The following AGPAT4 variants were observed in gnomAD, a reference collection of about 807,000 sequenced individuals.
AGPAT4 encodes the protein 1-acyl-sn-glycerol-3-phosphate acyltransferase delta.
A neutral mutation model predicts 48.0 loss-of-function variants in AGPAT4; 15 were observed. The observed-to-expected ratio is 0.31, with a 90% CI of 0.21 to 0.48. The LOEUF (loss-of-function observed/expected upper bound fraction) is 0.48. Ranked by LOEUF, AGPAT4 falls within the 20% of genes least tolerant of loss-of-function variation. AGPAT4 has a pLI of 0.99. For synonymous variants in AGPAT4, 178 were observed against 198.7 expected (o/e 0.90, Z 0.88); for missense variants, 314 against 482.5 (o/e 0.65, Z 3.27).
In AGPAT4 at chr6:161,234,538, C is replaced by A. The variant is rs1009860010; in HGVS notation, c.-89-2236G>T. 2.0e-5 allele frequency among the ~76,000 whole-genome samples: 3 copies of A among 152,170 alleles called. No homozygotes were observed. Among genetic ancestry groups the A allele is most frequent in the Admixed American group, 2.0e-4 (3 of 15,272 alleles). On this transcript the variant is annotated intron_variant, in intron 1 of 8. Transcript: ENST00000320285. The surrounding 1 kb of genome is among the most constrained non-coding windows in gnomAD (Gnocchi z 4.4). ...GAATAGGCGTTAAGCTGGCAGCCCC[C>A]GCTCAGTGCACTTGACTTTGGGAGC...
rs376069790 is a variant in AGPAT4 at position 161,201,003 on chromosome 6, C to T, written c.178+31033G>A. Among the ~76,000 whole-genome samples the T allele has an allele frequency of 6.6e-6, 1 of 152,210 alleles. No individual in the cohort carries two copies. The highest frequency in any genetic ancestry group is 2.4e-5 in the African/African-American group (1 of 41,456). On this transcript the variant is annotated intron_variant, in intron 2 of 8. Transcript: ENST00000320285. This position sits in a 1 kb window ranked among gnomAD's most constrained non-coding sequence, Gnocchi z 6.0. ...CTTTCCATCAGAGCAACAGGCAGAA[C>T]GACAGCTTCCTGCAAATGCATCATC...
chr6:161,268,361 C>A (rs940666144), intron 1 of AGPAT4, among the ~76,000 whole-genome samples: 1 of 152,130 alleles, frequency 6.6e-6, no homozygotes, highest in African/African-American at 2.4e-5. Flanking sequence ...AAAAACAAAA[C>A]GGGATACATG....
chr6:161,157,293 G>A (rs1779792116), intron 3 of AGPAT4, among the ~76,000 whole-genome samples: 1 of 152,248 alleles, frequency 6.6e-6, no homozygotes, highest in African/African-American at 2.4e-5. Flanking sequence ...GGGAATATAA[G>A]TGAGGCTCTG....
In AGPAT4 at chr6:161,229,927, G is replaced by A. The variant is rs1260923646; in HGVS notation, c.178+2109C>T. On this transcript the variant is annotated intron_variant, in intron 2 of 8. Coordinates refer to ENST00000320285, the MANE Select transcript of AGPAT4 (RefSeq NM_020133.3). The surrounding 1 kb of genome is among the most constrained non-coding windows in gnomAD (Gnocchi z 6.0). ...CATCACTGGGTATACCTGGATGGAG[G>A]TGCTTCTAGGTCCTTCAGTGACATT... Among the ~76,000 whole-genome samples, 2 of 152,138 alleles carry A rather than the reference G, an allele frequency of 1.3e-5. No homozygotes were observed. Among genetic ancestry groups the A allele is most frequent in the African/African-American group, 4.8e-5 (2 of 41,432 alleles).
chr6:161,136,670 C>CG, intron 8 of AGPAT4, 36 bp from the exon 9 acceptor site: 1 of 1,590,640 alleles, frequency 6.3e-7, no homozygotes, highest in Non-Finnish European at 8.6e-7. Flanking sequence ...AGGAGTAGCC[C>CG]AAACAGACTA....
At position 161,228,051 on chromosome 6, in the gene AGPAT4, C is replaced by A. The variant is rs112525188; in HGVS notation, c.178+3985G>T. ...GAACCAATGGGAAGAAAGATCAAGA[C>A]ACCCTCGCCACCACCGGTCCCCCTG... On this transcript the variant is annotated intron_variant, in intron 2 of 8. Coordinates refer to ENST00000320285, the MANE Select transcript of AGPAT4 (RefSeq NM_020133.3). 2.5e-3 allele frequency among the ~76,000 whole-genome samples: 384 copies of A among 152,246 alleles called. 2 individuals are homozygous for A. Among genetic ancestry groups the A allele is most frequent in the Non-Finnish European group, 3.6e-3 (245 of 68,014 alleles).
chr6:161,170,332 C>T (rs557076877), intron 2 of AGPAT4, among the ~76,000 whole-genome samples: 168 of 152,220 alleles, frequency 1.1e-3, no homozygotes, highest in African/African-American at 3.8e-3. Context: ...CTTATTGAAC[C>T]CTGACCGAGA....
Position 161,236,851 on chromosome 6 carries a change from G to A in AGPAT4, c.-89-4549C>T, listed in dbSNP as rs1336159214. 1.3e-5 allele frequency among the ~76,000 whole-genome samples: 2 copies of A among 152,084 alleles called. No individual in the cohort carries two copies. Among genetic ancestry groups the A allele is most frequent in the Admixed American group, 6.5e-5 (1 of 15,276 alleles). The stretch of plus-strand genomic sequence containing the variant: ...TGGGAGGCAGAGGTTGCAGTGAGCC[G>A]AGATTGTGCCACTGCACTCCAGCCT... On this transcript the variant is annotated intron_variant, in intron 1 of 8. Coordinates refer to ENST00000320285, the MANE Select transcript of AGPAT4 (RefSeq NM_020133.3). The surrounding 1 kb of genome is among the most constrained non-coding windows in gnomAD (Gnocchi z 5.0).
intron 1 of AGPAT4, among the ~76,000 whole-genome samples, chr6:161,258,702 T>C (rs1383957781): frequency 6.6e-6 from 1 of 151,158 alleles, no homozygotes; most frequent in Non-Finnish European, 1.5e-5. Flanking sequence ...CCACAGAGAG[T>C]CATTACTCAA....
Position 161,244,403 on chromosome 6 carries a change from A to AAAAATACGACAAAATACG in AGPAT4, c.-89-12102_-89-12101insCGTATTTTGTCGTATTTT, listed in dbSNP as rs1554239727. ...ATTTCAAAATACGACAAAAACAAAT[A>AAAAATACGACAAAATACG]ATAAAAAGCCTTTAAAGTTAAGGTT... On this transcript the variant is annotated intron_variant, in intron 1 of 8. Transcript: ENST00000320285. This position sits in a 1 kb window ranked among gnomAD's most constrained non-coding sequence, Gnocchi z 4.7. Among the ~76,000 whole-genome samples, 4 of 152,340 alleles carry AAAAATACGACAAAATACG rather than the reference A, an allele frequency of 2.6e-5. No homozygotes were observed. In the East Asian group the frequency reaches 7.7e-4, roughly 29 times the overall value.
intron 2 of AGPAT4, among the ~76,000 whole-genome samples, chr6:161,172,794 TC>T (rs1453113234): frequency 6.6e-6 from 1 of 151,482 alleles, no homozygotes; most frequent in Non-Finnish European, 1.5e-5. Flanking sequence ...CCATCCCCCT[TC>T]CCCCCACCCC....
At position 161,221,721 on chromosome 6, in the gene AGPAT4, T is replaced by C. The variant is rs1367412635; in HGVS notation, c.178+10315A>G. 6.6e-6 allele frequency among the ~76,000 whole-genome samples: 1 copy of C among 152,122 alleles called. No homozygotes were observed. Among genetic ancestry groups the C allele is most frequent in the East Asian group, 1.9e-4 (1 of 5,186 alleles). ...TAGCAGGGTTGGTTCCTTCTGAGCA[T>C]GTGAGGGAGGATCTGTGTCACAGCT... On this transcript the variant is annotated intron_variant, in intron 2 of 8. Coordinates refer to ENST00000320285, the MANE Select transcript of AGPAT4 (RefSeq NM_020133.3). This position sits in a 1 kb window ranked among gnomAD's most constrained non-coding sequence, Gnocchi z 4.5.
intron 2 of AGPAT4, among the ~76,000 whole-genome samples, chr6:161,227,461 G>C (rs1782012528): frequency 6.6e-6 from 1 of 152,226 alleles, no homozygotes; most frequent in African/African-American, 2.4e-5. Context: ...CGGGAAAGTA[G>C]AGTTGAGGAC....
At chr6:161,193,511 C>A (rs749456271) in intron 2 of AGPAT4, among the ~76,000 whole-genome samples, 2 of 152,272 alleles carry the variant, frequency 1.3e-5, no homozygotes, top group African/African-American at 2.4e-5. Flanking sequence ...GTGGTCACCA[C>A]TTTTCAGAGA....
Position 161,197,849 on chromosome 6 carries a change from T to C in AGPAT4, c.179-31432A>G, listed in dbSNP as rs1781113432. On this transcript the variant is annotated intron_variant, in intron 2 of 8. Coordinates refer to ENST00000320285, the MANE Select transcript of AGPAT4 (RefSeq NM_020133.3). The surrounding 1 kb of genome is among the most constrained non-coding windows in gnomAD (Gnocchi z 5.7). ...ACTCTAGAGGAAATGTCATCATCAA[T>C]AAATACCCACTGCTGATTGATTGAA... 6.6e-6 allele frequency among the ~76,000 whole-genome samples: 1 copy of C among 152,200 alleles called. No homozygotes were observed. Among genetic ancestry groups the C allele is most frequent in the African/African-American group, 2.4e-5 (1 of 41,442 alleles).
rs952430233 is a variant in AGPAT4 at position 161,222,275 on chromosome 6, A to G, written c.178+9761T>C. ...CTACTCATTCCATAAGCTGTTCCTT[A>G]TTTTGTCCTTTTTTGGTGTTTGGGT... On this transcript the variant is annotated intron_variant, in intron 2 of 8. Transcript: ENST00000320285. The surrounding 1 kb of genome is among the most constrained non-coding windows in gnomAD (Gnocchi z 5.9). Among the ~76,000 whole-genome samples, 10 of 152,058 alleles carry G rather than the reference A, an allele frequency of 6.6e-5. No homozygotes were observed. The highest frequency in any genetic ancestry group is 1.0e-4 in the Non-Finnish European group (7 of 67,990).
chr6:161,193,493 G>C (rs2115003037), intron 2 of AGPAT4, among the ~76,000 whole-genome samples: 1 of 152,340 alleles, frequency 6.6e-6, no homozygotes, highest in East Asian at 1.9e-4. Context: ...TTGCAAGCAG[G>C]CCGCTCTGTG....
In AGPAT4 at chr6:161,201,781, T is replaced by C. The variant is rs550988030; in HGVS notation, c.178+30255A>G. 3.4e-4 allele frequency among the ~76,000 whole-genome samples: 52 copies of C among 152,326 alleles called. No individual in the cohort carries two copies. Among genetic ancestry groups the C allele is most frequent in the African/African-American group, 1.2e-3 (51 of 41,576 alleles). ...TCCTGCTCTCAGCTCTTAAGATACA[T>C]TGGCTCTCTTCATTCTCTAACCAGT... On this transcript the variant is annotated intron_variant, in intron 2 of 8. Transcript: ENST00000320285. This position sits in a 1 kb window ranked among gnomAD's most constrained non-coding sequence, Gnocchi z 6.0.
chr6:161,227,482 C>T (rs1040048091), intron 2 of AGPAT4, among the ~76,000 whole-genome samples: 5 of 152,194 alleles, frequency 3.3e-5, no homozygotes, highest in South Asian at 2.1e-4. Flanking sequence ...TCCCATTCTC[C>T]GTGGTCGTTA....
Sources: gnomAD v4.1 joint callset for allele counts (sites outside exome capture counted in the v4.1 genomes callset) on GRCh38, gnomAD v4.1.1 for gene constraint, Gnocchi (gnomAD v3.1) non-coding constraint, MANE v1.5 for transcripts, NCBI Gene and HGNC (gene_info 2026-07-23, HGNC 2026-07-21) for gene names.